The following STK32A variants were observed in gnomAD, a reference collection of about 807,000 sequenced individuals.
STK32A encodes the protein serine/threonine-protein kinase 32A.
In STK32A, 41 loss-of-function variants were observed where a neutral mutation model predicts 53.2. The observed-to-expected ratio is 0.77, with a 90% CI of 0.60 to 1.00. STK32A has a LOEUF of 1.00. STK32A is among the 50% of genes least tolerant of loss of function. The probability of loss-of-function intolerance (pLI) is 0.00; values close to 1 mark genes in which losing one functional copy is unlikely to be tolerated. For missense variants in STK32A, 458 were observed against 485.8 expected, an observed-to-expected ratio of 0.94 and a Z score of 0.54; for synonymous variants, 166 against 162.8, an observed-to-expected ratio of 1.02 and a Z score of -0.15.
the STK32A span, among the ~76,000 whole-genome samples, chr5:147,398,657 C>T: frequency 6.6e-6 from 1 of 152,140 alleles, no homozygotes; most frequent in East Asian, 1.9e-4. Flanking sequence ...CTATTCTTTC[C>T]CTTTCCAGGC....
At position 147,262,218 on chromosome 5, in the gene STK32A, G is replaced by A. The variant is rs10064072; in HGVS notation, c.53-15906G>A. ...GAGGCAGAATCCTCACCCCACTTCTGTTTGCCTCCAAAGCTCAAGGAGAGT... is the reference window on the plus strand; with the variant it reads ...GAGGCAGAATCCTCACCCCACTTCTATTTGCCTCCAAAGCTCAAGGAGAGT... On this transcript the variant is annotated intron_variant, in intron 2 of 12. Coordinates refer to ENST00000397936, the MANE Select transcript of STK32A (RefSeq NM_001112724.2). 4.6e-3 allele frequency among the ~76,000 whole-genome samples: 707 copies of A among 152,196 alleles called. 8 individuals are homozygous for A. The highest frequency in any genetic ancestry group is 0.016 in the African/African-American group (666 of 41,516).
rs879431610 is a variant in STK32A, at chr5:147,386,127, C to T, written c.*2144C>T. Reference sequence around the variant, plus strand: ...ATATTATTGTTACATAATTAAAAGCCAGCTCTTTTGTTGTTTGTTTGATTC... The same window carrying T: ...ATATTATTGTTACATAATTAAAAGCTAGCTCTTTTGTTGTTTGTTTGATTC... On this transcript the variant is annotated 3_prime_UTR_variant, in exon 13 of 13. Transcript: ENST00000397936. 1 of 152,152 alleles carries T rather than the reference C, an allele frequency of 6.6e-6. No individual in the cohort carries two copies. The highest frequency in any genetic ancestry group is 1.5e-5 in the Non-Finnish European group (1 of 68,032). 9.4% of individuals were successfully genotyped at this position (152,152 alleles called of 1,614,324 possible).
chr5:147,399,005 C>T, the STK32A span: 13,454 of 1,558,256 alleles, frequency 8.6e-3, 87 homozygotes, highest in Middle Eastern at 0.022. Context: ...TGGCACACCA[C>T]ATAAACACAT....
chr5:147,317,528 T>G (rs71580437), intron 4 of STK32A, among the ~76,000 whole-genome samples: 1 of 151,780 alleles, frequency 6.6e-6, no homozygotes, highest in African/African-American at 2.4e-5. Flanking sequence ...GGTTTCACCA[T>G]GTTGGTAAGC....
chr5:147,259,203 G>A (rs1019975140), intron 2 of STK32A, among the ~76,000 whole-genome samples: 2 of 152,166 alleles, frequency 1.3e-5, no homozygotes, highest in Non-Finnish European at 2.9e-5. Flanking sequence ...CATACTTTAA[G>A]ATTTTTCAGT....
intron 4 of STK32A, among the ~76,000 whole-genome samples, chr5:147,283,909 C>T (rs1342294533): frequency 1.3e-5 from 2 of 151,702 alleles, no homozygotes; most frequent in Admixed American, 6.6e-5. Context: ...GGAAACCTCC[C>T]TAATTCATCC....
intron 4 of STK32A, among the ~76,000 whole-genome samples, chr5:147,302,496 C>G (rs1433852070): frequency 2.6e-5 from 4 of 152,156 alleles, no homozygotes; most frequent in African/African-American, 9.7e-5. Context: ...TTACAACAAT[C>G]TGATTAGTCA....
intron 2 of STK32A, among the ~76,000 whole-genome samples, chr5:147,270,235 G>A (rs1489060664): frequency 2.6e-5 from 4 of 152,060 alleles, no homozygotes; most frequent in Admixed American, 6.6e-5. Flanking sequence ...CTGAGACAGG[G>A]TCTCTGTCAC....
chr5:147,371,521 A>G (rs1297617345), intron 9 of STK32A, among the ~76,000 whole-genome samples: 1 of 152,170 alleles, frequency 6.6e-6, no homozygotes, highest in Non-Finnish European at 1.5e-5. Flanking sequence ...TATTCCTGGA[A>G]CAGTGCCTCC....
At chr5:147,371,432 T>A (rs1362435472) in intron 9 of STK32A, among the ~76,000 whole-genome samples, 2 of 152,180 alleles carry the variant, frequency 1.3e-5, no homozygotes, top group Non-Finnish European at 2.9e-5. Flanking sequence ...TTTTTCTTCT[T>A]CTTTTCTTTC....
intron 4 of STK32A, among the ~76,000 whole-genome samples, chr5:147,298,528 G>C (rs1235361659): frequency 5.3e-5 from 8 of 152,206 alleles, no homozygotes. Context: ...GGCATGGTAA[G>C]TATTCAGTAT....
intron 5 of STK32A, among the ~76,000 whole-genome samples, chr5:147,324,679 A>G (rs1754492784): frequency 6.6e-6 from 1 of 152,228 alleles, no homozygotes. Flanking sequence ...TGATGATTTT[A>G]TATATAGTAT....
At chr5:147,249,237 G>A (rs185194889) in intron 2 of STK32A, among the ~76,000 whole-genome samples, 33 of 152,124 alleles carry the variant, frequency 2.2e-4, no homozygotes, top group African/African-American at 8.0e-4. Context: ...GAGAACCTAG[G>A]TAAGTGACTT....
intron 4 of STK32A, among the ~76,000 whole-genome samples, chr5:147,281,324 A>G (rs2151956009): frequency 6.6e-6 from 1 of 152,316 alleles, no homozygotes; most frequent in East Asian, 1.9e-4. Flanking sequence ...AACCAGAGAA[A>G]GGTGAAGCTC....
At chr5:147,246,995 GATT>G (rs1753790195) in intron 2 of STK32A, among the ~76,000 whole-genome samples, 1 of 152,160 alleles carries the variant, frequency 6.6e-6, no homozygotes, top group South Asian at 2.1e-4. Flanking sequence ...AGTAGTTGCT[GATT>G]ATTAAGTAAC....
At chr5:147,262,550 G>A (rs1021139645) in intron 2 of STK32A, among the ~76,000 whole-genome samples, 3 of 150,996 alleles carry the variant, frequency 2.0e-5, no homozygotes, top group Non-Finnish European at 4.4e-5. Flanking sequence ...TTCCTGTAAG[G>A]TAGGTATCAT....
intron 4 of STK32A, among the ~76,000 whole-genome samples, chr5:147,321,576 A>G (rs149661424): frequency 6.6e-6 from 1 of 152,354 alleles, no homozygotes; most frequent in African/African-American, 2.4e-5. Context: ...GAACACTGTT[A>G]TTAACTTGCC....
intron 6 of STK32A, 62 bp downstream of exon 6, chr5:147,343,105 C>A: frequency 6.5e-7 from 1 of 1,542,306 alleles, no homozygotes; most frequent in South Asian, 1.1e-5. Context: ...TTGATTGTTC[C>A]CAGCAGAGGG....
chr5:147,296,479 C>T (rs1294245121), intron 4 of STK32A, among the ~76,000 whole-genome samples: 1 of 151,856 alleles, frequency 6.6e-6, no homozygotes, highest in Non-Finnish European at 1.5e-5. Context: ...GCCGCATGTG[C>T]AGTGTGTTTA....
Sources: allele counts gnomAD v4.1 joint callset (sites outside exome capture counted in the v4.1 genomes callset), GRCh38; gene constraint gnomAD v4.1.1; transcripts MANE v1.5; gene names NCBI Gene and HGNC (gene_info 2026-07-23, HGNC 2026-07-21).